BUD13: variants seen among roughly 807,000 people sequenced by gnomAD.
The protein encoded by BUD13 is BUD13 spliceosome associated protein.
A neutral mutation model predicts 62.5 loss-of-function variants in BUD13; 47 were observed. That is an observed-to-expected ratio of 0.75 (90% confidence interval 0.60 to 0.96). BUD13 has a LOEUF of 0.96. BUD13 is among the 40% of genes least tolerant of loss of function. The pLI is 0.00. For synonymous variants in BUD13, 293 were observed against 280.1 expected, an observed-to-expected ratio of 1.05 and a Z score of -0.46; for missense variants, 821 against 790.9, an observed-to-expected ratio of 1.04 and a Z score of -0.46.
Position 116,759,071 on chromosome 11 carries a change from T to C in BUD13, c.1360+3A>G, listed in dbSNP as rs1261822826. ...ATTGGTCTCTGCACTTTCATATTTT[T>C]ACCTTCAAATGCCATGGTTTCTTGA... On this transcript the variant is annotated splice_donor_region_variant and intron_variant, in intron 6 of 9. Coordinates refer to ENST00000260210, the MANE Select transcript of BUD13 (RefSeq NM_032725.4). 1 of 1,612,986 alleles carries C rather than the reference T, an allele frequency of 6.2e-7. No homozygotes were observed. Among genetic ancestry groups the C allele is most frequent in the Non-Finnish European group, 8.5e-7 (1 of 1,179,000 alleles).
In BUD13 at chr11:116,772,334, T is replaced by G. The variant is rs938689805; in HGVS notation, c.143+488A>C. On this transcript the variant is annotated intron_variant, in intron 1 of 9. Transcript: ENST00000260210. ...TGTTTAAATTTCTTATAATGGTGCC[T>G]GGCAAGAAAAGTATAACTATATAAA... is the stretch of plus-strand genomic sequence containing the variant. 1.2e-4 allele frequency among the ~76,000 whole-genome samples: 19 copies of G among 152,318 alleles called. 1 individual carries two copies. Among genetic ancestry groups the G allele is most frequent in the African/African-American group, 4.3e-4 (18 of 41,584 alleles).
rs371950031 is a variant in BUD13, at chr11:116,760,881, A to T, written c.1108T>A (p.Ser370Thr). 1.2e-6 allele frequency: 2 copies of T among 1,613,974 alleles called. No homozygotes were observed. Among genetic ancestry groups the T allele is most frequent in the Admixed American group, 1.7e-5 (1 of 59,990 alleles). The change falls in exon 5 of 10, where the codon TCT becomes ACT. Residue 370 changes from serine (S) to threonine (T), a missense_variant. By Grantham distance (58) the Ser-to-Thr change is moderately conservative. This residue lies in a region of BUD13 where 800 missense variants were observed against 739.2 expected (regional missense o/e 1.08). Transcript: ENST00000260210. The stretch of plus-strand genomic sequence containing the variant: ...CGTGGAGGTGACAGATCTGAATCAG[A>T]ATCCTGGTGCCCTGGACTTTGTTTA... ...RHKQSPGHQD[S>T]DSDLSPPRNR...
chr11:116,767,706 GCTAACACCT>G (rs1940556661), intron 2 of BUD13, among the ~76,000 whole-genome samples: 1 of 151,730 alleles, frequency 6.6e-6, no homozygotes, highest in African/African-American at 2.4e-5. Flanking sequence ...GGGGCATGTG[GCTAACACCT>G]GTAATCCCAA....
intron 9 of BUD13, among the ~76,000 whole-genome samples, chr11:116,756,470 C>G (rs2134174113): frequency 6.6e-6 from 1 of 152,198 alleles, no homozygotes; most frequent in South Asian, 2.1e-4. Context: ...CGAGACTGCG[C>G]CACTGCACTC....
At chr11:116,771,324 CTA>C (rs936693319) in intron 1 of BUD13, among the ~76,000 whole-genome samples, 2 of 152,246 alleles carry the variant, frequency 1.3e-5, no homozygotes, top group African/African-American at 2.4e-5. Flanking sequence ...AGAACAGGGA[CTA>C]TGTTTTTTTT....
In BUD13 at chr11:116,772,964, TGGCAGCG is replaced by T. The variant is rs779509931; in HGVS notation, c.-7_-1del. The T allele has an allele frequency of 6.5e-7, 1 of 1,549,648 alleles. No homozygotes were observed. Among genetic ancestry groups the T allele is most frequent in the Admixed American group, 1.8e-5 (1 of 54,464 alleles). Reference sequence around the variant, plus strand: ...TTGGAAAGCGGCGGAGCTGCCGCCATGGCAGCGGCGGGGGCAGAGAGACGGGTCGGCG... The same window carrying T: ...TTGGAAAGCGGCGGAGCTGCCGCCATGCGGGGGCAGAGAGACGGGTCGGCG... On this transcript the variant is annotated 5_prime_UTR_variant, in exon 1 of 10. Coordinates refer to ENST00000260210, the MANE Select transcript of BUD13 (RefSeq NM_032725.4).
intron 2 of BUD13, among the ~76,000 whole-genome samples, chr11:116,769,895 TA>T (rs879368085): frequency 4.7e-4 from 68 of 144,298 alleles, no homozygotes; most frequent in Non-Finnish European, 4.6e-4. Flanking sequence ...CTACAAAAAT[TA>T]AAAAAAAAAA....
In BUD13 at chr11:116,763,022, G is replaced by A; in HGVS notation, c.567C>T (p.Pro189=). Residue 189 remains proline, a synonymous_variant, in exon 4 of 10, where the codon CCC becomes CCT. Coordinates refer to ENST00000260210, the MANE Select transcript of BUD13 (RefSeq NM_032725.4). ...GAGAATCATGACGGGCCCTCCTTGG[G>A]GGTGAAGTGTCTGAGGAGTCATGAC... is the stretch of plus-strand genomic sequence containing the variant. ...RIRHDSSDTS[P]PRRARHDSPD... is the part of the protein sequence containing the mutation. The A allele has an allele frequency of 1.9e-6, 3 of 1,612,430 alleles. No homozygotes were observed. The highest frequency in any genetic ancestry group is 2.5e-6 in the Non-Finnish European group (3 of 1,179,450).
Position 116,757,209 on chromosome 11 carries a change from C to G in BUD13, c.1703G>C (p.Gly568Ala). The part of the protein sequence containing the change: ...KNKKVRPRYS[G>A]PAPPPNRFNI... The stretch of plus-strand genomic sequence containing the variant: ...AAATCTGTTGGGAGGAGGTGCTGGA[C>G]CACTGTAGCGAGGTCTCACTAATGA... The change falls in exon 9 of 10, where the codon GGT becomes GCT. Residue 568 changes from glycine to alanine, a missense_variant. Around this residue, in one of 2 missense-constraint regions of BUD13, gnomAD observed 800 missense variants for 739.2 expected, o/e 1.08. Coordinates refer to ENST00000260210, the MANE Select transcript of BUD13 (RefSeq NM_032725.4). 1 of 1,614,080 alleles carries G rather than the reference C, an allele frequency of 6.2e-7. No homozygotes were observed. The highest frequency in any genetic ancestry group is 8.5e-7 in the Non-Finnish European group (1 of 1,179,980).
At chr11:116,757,070 T>C in intron 9 of BUD13, 76 bp downstream of exon 9, 1 of 1,385,964 alleles carries the variant, frequency 7.2e-7, no homozygotes, top group South Asian at 1.2e-5. Context: ...GAGAATGAAA[T>C]AAAGTGTGGA....
At chr11:116,758,701 T>A (rs1220512039) in intron 6 of BUD13, among the ~76,000 whole-genome samples, 7 of 150,838 alleles carry the variant, frequency 4.6e-5, no homozygotes, top group Non-Finnish European at 1.0e-4. Flanking sequence ...GATTCTCCTG[T>A]CTCAGCCTCC....
Position 116,763,224 on chromosome 11 carries a change from T to A in BUD13, c.365A>T (p.Asp122Val), listed in dbSNP as rs1940471293. Residue 122 changes from aspartate to valine, a missense_variant, in exon 4 of 10, where the codon GAT becomes GTT. Physicochemically the swap from Asp to Val is radical, Grantham distance 152 (BLOSUM62 -3). This residue lies in a region of BUD13 where 800 missense variants were observed against 739.2 expected (regional missense o/e 1.08). Coordinates refer to ENST00000260210, the MANE Select transcript of BUD13 (RefSeq NM_032725.4). ...CCTCCTAGGAGATGAATCCGGGGTATCGTGACGAAAATGTCTGTTTGAGGG... is the reference window on the plus strand; with the variant it reads ...CCTCCTAGGAGATGAATCCGGGGTAACGTGACGAAAATGTCTGTTTGAGGG... ...DLPSNRHFRH[D>V]TPDSSPRRVR... 4 of 1,554,440 alleles carry A rather than the reference T, an allele frequency of 2.6e-6. No homozygotes were observed. In the South Asian group the frequency reaches 4.9e-5, roughly 19 times the overall value.
intron 3 of BUD13, 38 bp from the exon 4 acceptor site, chr11:116,763,304 G>GCTCTGTCC: frequency 6.6e-7 from 1 of 1,505,366 alleles, no homozygotes; most frequent in Non-Finnish European, 8.9e-7. Flanking sequence ...TCCCACAAAT[G>GCTCTGTCC]CTCTGTCCCT....
chr11:116,770,283 T>C (rs1413026288), intron 1 of BUD13, 61 bp from the exon 2 acceptor site: 3 of 1,435,172 alleles, frequency 2.1e-6, no homozygotes, highest in Admixed American at 2.1e-5. Flanking sequence ...AAAACATTTA[T>C]CTATTGGTTT....
intron 7 of BUD13, 99 bp downstream of exon 7, chr11:116,758,170 G>T: frequency 6.5e-7 from 1 of 1,534,830 alleles, no homozygotes; most frequent in Admixed American, 1.9e-5. Flanking sequence ...ACTGATAACA[G>T]CTCTGAAGGC....
At chr11:116,765,992 G>C (rs903124859) in intron 2 of BUD13, among the ~76,000 whole-genome samples, 6 of 152,182 alleles carry the variant, frequency 3.9e-5, no homozygotes, top group African/African-American at 1.4e-4. Context: ...GAACAAATCA[G>C]AATCTTCTCT....
rs374918661 is a variant in BUD13, at chr11:116,767,356, G to A, written c.238-1910C>T. On this transcript the variant is annotated intron_variant, in intron 2 of 9. Transcript: ENST00000260210. ...CGTCTGTAATCCCAGCACTTTGGGA[G>A]GCCGAGGCAGGCAGATCATGAAGTT... is the stretch of plus-strand genomic sequence containing the variant. Among the ~76,000 whole-genome samples the A allele has an allele frequency of 1.4e-4, 21 of 152,102 alleles. No individual in the cohort carries two copies. The South Asian group carries it at 3.5e-3, about 26-fold the overall frequency.
chr11:116,749,751 T>C (rs1940200946), intron 9 of BUD13, among the ~76,000 whole-genome samples: 1 of 152,148 alleles, frequency 6.6e-6, no homozygotes, highest in Admixed American at 6.5e-5. Context: ...GAACTTAAAC[T>C]GCATTTCAAA....
At position 116,758,253 on chromosome 11, in the gene BUD13, T is replaced by C; in HGVS notation, c.1499+16A>G. 6.2e-7 allele frequency: 1 copy of C among 1,613,658 alleles called. No individual in the cohort carries two copies. Among genetic ancestry groups the C allele is most frequent in the East Asian group, 2.2e-5 (1 of 44,880 alleles). On this transcript the variant is annotated intron_variant, in intron 7 of 9. Coordinates refer to ENST00000260210, the MANE Select transcript of BUD13 (RefSeq NM_032725.4). ...AGTCACTGCCATCTTGTTTACCCTT[T>C]CAGTGGTTCCCTTACCCTTTTCCCC...
Sources: allele counts gnomAD v4.1 joint callset (sites outside exome capture counted in the v4.1 genomes callset), GRCh38; gene constraint gnomAD v4.1.1; regional missense constraint gnomAD v4.1.1; transcripts MANE v1.5; gene names NCBI Gene and HGNC (gene_info 2026-07-23, HGNC 2026-07-21).